PCDH11X: variants seen among roughly 807,000 people sequenced by gnomAD.
PCDH11X encodes the protein protocadherin 11 X-linked, also known as protocadherin-11 X-linked.
In PCDH11X, 18 loss-of-function variants were observed where a neutral mutation model predicts 53.3. That is an observed-to-expected ratio of 0.34 (90% CI 0.23 to 0.50). The LOEUF (loss-of-function observed/expected upper bound fraction) is 0.50, where lower values mean the gene tolerates loss of function less well. Ranked by LOEUF, PCDH11X falls within the 20% of genes least tolerant of loss-of-function variation. The pLI, the probability that PCDH11X is intolerant of heterozygous loss-of-function variation, is 0.98. For missense variants in PCDH11X, 570 were observed against 1,032.4 expected (o/e 0.55, Z 6.14); for synonymous variants, 279 against 393.3 (o/e 0.71, Z 3.44).
chrX:91,990,145 C>A (rs2062297273), intron 6 of PCDH11X, among the ~76,000 whole-genome samples: 1 of 110,765 alleles, frequency 9.0e-6, no homozygotes, highest in African/African-American at 3.3e-5. Flanking sequence ...ATTCGAGTTT[C>A]CATTTGATTC....
At chrX:92,090,145 A>G (rs1488960804) in intron 6 of PCDH11X, among the ~76,000 whole-genome samples, 1 of 111,198 alleles carries the variant, frequency 9.0e-6, no homozygotes, top group African/African-American at 3.3e-5. Flanking sequence ...GATTCCGTTC[A>G]TGAGGAATTA....
chrX:91,852,003 G>T (rs1938047436), intron 5 of PCDH11X, among the ~76,000 whole-genome samples: 2 of 94,870 alleles, frequency 2.1e-5, no homozygotes, highest in African/African-American at 7.7e-5. Flanking sequence ...ATAAAATTAG[G>T]AATTCTTTTT....
chrX:92,382,795 C>T (rs2070908718), intron 8 of PCDH11X, among the ~76,000 whole-genome samples: 1 of 106,786 alleles, frequency 9.4e-6, no homozygotes, highest in Non-Finnish European at 1.9e-5. Context: ...CCCATAAAGT[C>T]ACTGTTCCAG....
intron 8 of PCDH11X, among the ~76,000 whole-genome samples, chrX:92,293,452 G>A (rs2068534822): frequency 9.2e-6 from 1 of 109,160 alleles, no homozygotes; most frequent in Admixed American, 9.8e-5. Flanking sequence ...GTGAAACCCC[G>A]CCTCTACAAA....
chrX:92,077,904 T>C, intron 6 of PCDH11X, among the ~76,000 whole-genome samples: 1 of 110,590 alleles, frequency 9.0e-6, no homozygotes, highest in East Asian at 2.8e-4. Flanking sequence ...TCTTTCATTA[T>C]AGTAATGAAA....
chrX:92,341,284 G>A (rs1349113260), intron 8 of PCDH11X, among the ~76,000 whole-genome samples: 7 of 111,307 alleles, frequency 6.3e-5, no homozygotes, highest in Admixed American at 9.6e-5. Context: ...TCATCTTCCT[G>A]TCTTCCTTTG....
At chrX:91,899,536 G>A (rs1375271655) in intron 6 of PCDH11X, among the ~76,000 whole-genome samples, 1 of 109,374 alleles carries the variant, frequency 9.1e-6, no homozygotes, top group Non-Finnish European at 1.9e-5. Flanking sequence ...ACCATTGTAA[G>A]TCCACCCCTT....
At chrX:92,128,782 G>C (rs2064918784) in intron 6 of PCDH11X, among the ~76,000 whole-genome samples, 1 of 110,485 alleles carries the variant, frequency 9.1e-6, no homozygotes, top group Non-Finnish European at 1.9e-5. Context: ...ACAAAAGGCA[G>C]ATTATGTGTC....
intron 10 of PCDH11X, among the ~76,000 whole-genome samples, chrX:92,505,037 C>T (rs2074025287): frequency 9.2e-6 from 1 of 108,475 alleles, no homozygotes; most frequent in Admixed American, 9.9e-5. Flanking sequence ...GTTTAAGTTC[C>T]TTATACATTC....
At chrX:92,375,656 ACT>A (rs2070735958) in intron 8 of PCDH11X, among the ~76,000 whole-genome samples, 1 of 108,479 alleles carries the variant, frequency 9.2e-6, no homozygotes, top group African/African-American at 3.4e-5. Context: ...ATGGAGTCTC[ACT>A]CTGTCGCCCA....
intron 5 of PCDH11X, among the ~76,000 whole-genome samples, chrX:91,857,140 A>G (rs776903165): frequency 9.0e-6 from 1 of 111,620 alleles, no homozygotes; most frequent in African/African-American, 3.3e-5. Context: ...GCACAAGGCA[A>G]AGGAGGAGAA....
At chrX:92,036,188 T>C (rs80069038) in intron 6 of PCDH11X, among the ~76,000 whole-genome samples, 13,912 of 102,943 alleles carry the variant, frequency 0.14, 945 homozygotes, top group Admixed American at 0.27. Flanking sequence ...GAATATGTTT[T>C]CCTGGAGGTT....
At chrX:92,044,415 AGATT>A (rs1355948523) in intron 6 of PCDH11X, among the ~76,000 whole-genome samples, 1 of 108,972 alleles carries the variant, frequency 9.2e-6, no homozygotes, top group Non-Finnish European at 1.9e-5. Flanking sequence ...ATGAGCATAT[AGATT>A]AACAAAAAGT....
intron 6 of PCDH11X, among the ~76,000 whole-genome samples, chrX:92,016,140 G>A (rs947150394): frequency 2.7e-5 from 3 of 112,693 alleles, no homozygotes; most frequent in African/African-American, 6.4e-5. Flanking sequence ...AGGGATCAAC[G>A]GTCAGCTTAA....
At chrX:92,150,806 T>C (rs1441048443) in intron 6 of PCDH11X, among the ~76,000 whole-genome samples, 1 of 109,757 alleles carries the variant, frequency 9.1e-6, no homozygotes, top group African/African-American at 3.5e-5. Context: ...GGCATTAATA[T>C]GAGTGGTTTT....
chrX:92,272,560 A>C (rs1392296510), intron 8 of PCDH11X, among the ~76,000 whole-genome samples: 4 of 112,395 alleles, frequency 3.6e-5, no homozygotes, highest in Non-Finnish European at 7.5e-5. Context: ...TCCAGAATTA[A>C]TTTTTATGCT....
intron 10 of PCDH11X, among the ~76,000 whole-genome samples, chrX:92,577,603 C>A (rs924521826): frequency 9.2e-6 from 1 of 108,781 alleles, no homozygotes; most frequent in African/African-American, 3.4e-5. Context: ...GGTTTGTTTG[C>A]TTTTGGTTCT....
At chrX:91,954,509 C>T (rs1051645813) in intron 6 of PCDH11X, among the ~76,000 whole-genome samples, 1 of 111,398 alleles carries the variant, frequency 9.0e-6, no homozygotes, top group African/African-American at 3.3e-5. Context: ...GGTATTTCCA[C>T]CTCTAGGTCT....
At chrX:91,888,270 C>T (rs1349144620) in intron 6 of PCDH11X, among the ~76,000 whole-genome samples, 1 of 111,312 alleles carries the variant, frequency 9.0e-6, no homozygotes, top group Non-Finnish European at 1.9e-5. Context: ...GTACTTTATC[C>T]CTTATCCTAG....
Sources: allele counts gnomAD v4.1 joint callset (sites outside exome capture counted in the v4.1 genomes callset), GRCh38; gene constraint gnomAD v4.1.1; transcripts MANE v1.5; gene names NCBI Gene and HGNC (gene_info 2026-07-23, HGNC 2026-07-21).